Variants in MACROD2 observed in about 807,000 individuals in gnomAD.
The protein encoded by MACROD2 is mono-ADP ribosylhydrolase 2.
A neutral mutation model predicts 70.4 loss-of-function variants in MACROD2; 36 were observed. The observed-to-expected ratio is 0.51, with a 90% CI of 0.39 to 0.68. The LOEUF (loss-of-function observed/expected upper bound fraction) is 0.68, where lower values mean the gene tolerates loss of function less well. MACROD2 is among the 30% of genes least tolerant of loss of function. The pLI is 0.00. For missense variants in MACROD2, 496 were observed against 538.4 expected, an observed-to-expected ratio of 0.92 and a Z score of 0.78; for synonymous variants, 172 against 178.8, an observed-to-expected ratio of 0.96 and a Z score of 0.30.
intron 3 of MACROD2, among the ~76,000 whole-genome samples, chr20:14,379,979 G>A (rs1475033139): frequency 6.6e-6 from 1 of 152,058 alleles, no homozygotes; most frequent in Admixed American, 6.6e-5. Context: ...TGGAATTGCT[G>A]GGTGATATGG....
chr20:14,142,493 T>C (rs1270620019), intron 3 of MACROD2, among the ~76,000 whole-genome samples: 2 of 152,228 alleles, frequency 1.3e-5, no homozygotes, highest in Non-Finnish European at 2.9e-5. Context: ...CTCGTGTAAA[T>C]GAAGGAGCTA....
intron 4 of MACROD2, among the ~76,000 whole-genome samples, chr20:14,513,001 T>A (rs1263514061): frequency 7.2e-5 from 11 of 152,108 alleles, no homozygotes; most frequent in Admixed American, 7.2e-4. Flanking sequence ...TTTTATCTTA[T>A]ACATCGAGAA....
chr20:14,633,547 C>T lies in MACROD2; in HGVS notation c.302-51296C>T, dbSNP rs935306233. Reference sequence around the variant, plus strand: ...TATTGCCACCTGGATGGGCTGCCTTCGCATGAACTAAATTCAAATAAACTT... The same window carrying T: ...TATTGCCACCTGGATGGGCTGCCTTTGCATGAACTAAATTCAAATAAACTT... On this transcript the variant is annotated intron_variant, in intron 4 of 17. Coordinates refer to ENST00000684519, the MANE Select transcript of MACROD2 (RefSeq NM_001351661.2). Among the ~76,000 whole-genome samples the T allele has an allele frequency of 3.3e-5, 5 of 151,876 alleles. 1 individual carries two copies. Among genetic ancestry groups the T allele is most frequent in the South Asian group, 4.2e-4 (2 of 4,814 alleles).
chr20:14,154,269 T>G (rs897759908), intron 3 of MACROD2, among the ~76,000 whole-genome samples: 6 of 152,192 alleles, frequency 3.9e-5, no homozygotes, highest in South Asian at 2.1e-4. Flanking sequence ...CAGCTTTTGT[T>G]GCTGAATGAT....
chr20:15,386,737 AT>A (rs1045036385), intron 6 of MACROD2, among the ~76,000 whole-genome samples: 3 of 152,242 alleles, frequency 2.0e-5, no homozygotes, highest in Admixed American at 1.3e-4. Context: ...CACCCTATTC[AT>A]TTTTTTCCCC....
At chr20:14,408,201 G>A (rs1600209914) in intron 3 of MACROD2, among the ~76,000 whole-genome samples, 1 of 152,142 alleles carries the variant, frequency 6.6e-6, no homozygotes, top group Non-Finnish European at 1.5e-5. Context: ...AGTATTATTT[G>A]TCATGCTTAT....
chr20:14,665,109 A>T (rs1450567359), intron 4 of MACROD2, among the ~76,000 whole-genome samples: 1 of 151,814 alleles, frequency 6.6e-6, no homozygotes, highest in African/African-American at 2.4e-5. Flanking sequence ...ATTACAGGTG[A>T]CTCTGATGCC....
chr20:15,420,319 A>G (rs73270907), intron 6 of MACROD2, among the ~76,000 whole-genome samples: 48 of 152,364 alleles, frequency 3.2e-4, no homozygotes, highest in African/African-American at 1.0e-3. Flanking sequence ...GCAGCTGGCA[A>G]TAAATGACTT....
chr20:14,965,443 A>AT lies in MACROD2; in HGVS notation c.419-264488dup, dbSNP rs1479327790. On this transcript the variant is annotated intron_variant, in intron 5 of 17. Coordinates refer to ENST00000684519, the MANE Select transcript of MACROD2 (RefSeq NM_001351661.2). ...TCCAACCTAGGGACGGCTAAAAGTT[A>AT]TTTTTTTTTCTTTTTTTTTTTTTTT... 1.5e-3 allele frequency among the ~76,000 whole-genome samples: 121 copies of AT among 83,090 alleles called. 1 individual carries two copies. Among genetic ancestry groups the AT allele is most frequent in the African/African-American group, 4.1e-3 (97 of 23,542 alleles). 54.5% of individuals were successfully genotyped at this position (83,090 alleles called of 152,430 possible).
intron 5 of MACROD2, among the ~76,000 whole-genome samples, chr20:15,028,973 A>C (rs753224867): frequency 6.6e-6 from 1 of 152,216 alleles, no homozygotes; most frequent in Non-Finnish European, 1.5e-5. Context: ...GACCTTCCAC[A>C]TAATTCAGCA....
chr20:14,228,413 C>G (rs1194156855), intron 3 of MACROD2, among the ~76,000 whole-genome samples: 1 of 151,234 alleles, frequency 6.6e-6, no homozygotes, highest in Non-Finnish European at 1.5e-5. Flanking sequence ...TCTCGGCTCA[C>G]TGCAAGCTCC....
intron 4 of MACROD2, among the ~76,000 whole-genome samples, chr20:14,548,717 CA>C (rs769527111): frequency 0.013 from 1,180 of 89,244 alleles, 59 homozygotes; most frequent in African/African-American, 0.059. Context: ...GACTCCGTCT[CA>C]AAAAAAAAAA....
chr20:14,277,882 A>T (rs2082273094), intron 3 of MACROD2, among the ~76,000 whole-genome samples: 1 of 152,240 alleles, frequency 6.6e-6, no homozygotes, highest in Non-Finnish European at 1.5e-5. Context: ...TGCTGAAAGG[A>T]TGAAGTAAAA....
intron 4 of MACROD2, among the ~76,000 whole-genome samples, chr20:14,527,589 T>C (rs934287030): frequency 1.3e-5 from 2 of 152,192 alleles, no homozygotes; most frequent in Admixed American, 6.5e-5. Context: ...TAGGAAGATA[T>C]GCAAATGTAC....
intron 4 of MACROD2, among the ~76,000 whole-genome samples, chr20:14,635,132 G>C (rs1207932592): frequency 2.0e-5 from 3 of 152,194 alleles, no homozygotes. Flanking sequence ...AAATCCTAAA[G>C]AGGGAGTTTA....
intron 10 of MACROD2, among the ~76,000 whole-genome samples, chr20:15,921,665 T>A (rs2065409392): frequency 6.6e-6 from 1 of 152,210 alleles, no homozygotes; most frequent in African/African-American, 2.4e-5. Context: ...TTAGCACGTA[T>A]CATGACTGAG....
chr20:14,074,550 T>C (rs1260499014), intron 2 of MACROD2, among the ~76,000 whole-genome samples: 5 of 152,198 alleles, frequency 3.3e-5, no homozygotes, highest in Non-Finnish European at 7.4e-5. Context: ...TAGAGACCTA[T>C]GTTTTTTTTG....
intron 5 of MACROD2, among the ~76,000 whole-genome samples, chr20:15,191,991 T>C (rs2076574648): frequency 1.3e-5 from 2 of 151,824 alleles, no homozygotes; most frequent in South Asian, 4.2e-4. Flanking sequence ...ATTATATAAC[T>C]ATATGTGCCC....
chr20:14,827,846 A>C (rs1202855155), intron 5 of MACROD2, among the ~76,000 whole-genome samples: 1 of 152,120 alleles, frequency 6.6e-6, no homozygotes, highest in African/African-American at 2.4e-5. Context: ...TTTATTAATA[A>C]GAATTCAAAA....
Sources: allele counts gnomAD v4.1 joint callset (sites outside exome capture counted in the v4.1 genomes callset), GRCh38; gene constraint gnomAD v4.1.1; transcripts MANE v1.5; gene names NCBI Gene and HGNC (gene_info 2026-07-23, HGNC 2026-07-21).